CDH4: variants seen among roughly 807,000 people sequenced by gnomAD.
CDH4 encodes cadherin-4.
CDH4 carries 33 observed loss-of-function variants against 86.0 expected under a neutral mutation model. That is an observed-to-expected ratio of 0.38 (90% CI 0.29 to 0.51). The LOEUF (loss-of-function observed/expected upper bound fraction) is 0.51. Among genes scored for constraint, CDH4 ranks in the 20% least tolerant of loss-of-function variants. CDH4 has a pLI of 0.86. For synonymous variants in CDH4, 555 were observed against 549.4 expected, an observed-to-expected ratio of 1.01 and a Z score of -0.14; for missense variants, 1,114 against 1,307.4, an observed-to-expected ratio of 0.85 and a Z score of 2.28.
At chr20:61,499,936 C>A (rs529664616) in intron 2 of CDH4, among the ~76,000 whole-genome samples, 3 of 152,166 alleles carry the variant, frequency 2.0e-5, no homozygotes, top group Non-Finnish European at 4.4e-5. Flanking sequence ...TCAGTGGCAC[C>A]ATTATGCAAA....
intron 2 of CDH4, among the ~76,000 whole-genome samples, chr20:61,289,262 C>CAT: frequency 6.6e-6 from 1 of 152,110 alleles, no homozygotes; most frequent in African/African-American, 2.4e-5. Context: ...GCTGTCAGCA[C>CAT]GCTCCCTCAG....
intron 2 of CDH4, among the ~76,000 whole-genome samples, chr20:61,342,618 G>A (rs1416239281): frequency 6.6e-6 from 1 of 152,216 alleles, no homozygotes; most frequent in Non-Finnish European, 1.5e-5. Context: ...CTGCGATGCA[G>A]CCCTGTTCCC....
intron 2 of CDH4, among the ~76,000 whole-genome samples, chr20:61,396,676 C>T (rs530224377): frequency 4.6e-4 from 70 of 152,282 alleles, no homozygotes; most frequent in African/African-American, 1.6e-3. Flanking sequence ...CTGTCTCCAG[C>T]GTCTCCACGT....
rs545234642 is a variant in CDH4, at chr20:61,537,414, G to T, written c.170-206149G>T. ...AGGCTGACTGACTGAGCACGTGGCC[G>T]GTGATGTGTCCCAGGTCATCAGGGA... is the stretch of plus-strand genomic sequence containing the variant. On this transcript the variant is annotated intron_variant, in intron 2 of 15. Coordinates refer to ENST00000614565, the MANE Select transcript of CDH4 (RefSeq NM_001794.5). Among the ~76,000 whole-genome samples the T allele has an allele frequency of 2.6e-5, 4 of 152,286 alleles. No homozygotes were observed. In the East Asian group the frequency reaches 7.7e-4, roughly 29 times the overall value.
At chr20:61,886,748 A>T (rs114913269) in intron 7 of CDH4, among the ~76,000 whole-genome samples, 2,540 of 152,326 alleles carry the variant, frequency 0.017, 63 homozygotes, top group African/African-American at 0.058. Flanking sequence ...ACCTCAGGGA[A>T]GTCCCAGGCC....
chr20:61,282,971 G>A lies in CDH4; in HGVS notation c.169+28034G>A, dbSNP rs1385907068. 2.0e-4 allele frequency among the ~76,000 whole-genome samples: 12 copies of A among 60,730 alleles called. 4 individuals carry two copies. Among genetic ancestry groups the A allele is most frequent in the African/African-American group, 6.4e-4 (12 of 18,650 alleles). 39.8% of individuals were successfully genotyped at this position (60,730 alleles called of 152,430 possible). A position where few individuals can be genotyped will look rare whatever the true frequency, so the allele number is the denominator to read the frequency against. On this transcript the variant is annotated intron_variant, in intron 2 of 15. Coordinates refer to ENST00000614565, the MANE Select transcript of CDH4 (RefSeq NM_001794.5). Reference sequence around the variant, plus strand: ...GCGTGTGATGTACGTGCGTTTGCACGCGCGTGCTGTGGCGTGTGATGTACG... The same window carrying A: ...GCGTGTGATGTACGTGCGTTTGCACACGCGTGCTGTGGCGTGTGATGTACG...
intron 2 of CDH4, among the ~76,000 whole-genome samples, chr20:61,573,805 G>T (rs957491633): frequency 2.6e-5 from 4 of 152,210 alleles, no homozygotes; most frequent in Admixed American, 2.6e-4. Flanking sequence ...TATATAAACT[G>T]CATATAAACA....
At chr20:61,367,102 C>G (rs757022869) in intron 2 of CDH4, among the ~76,000 whole-genome samples, 4 of 152,182 alleles carry the variant, frequency 2.6e-5, no homozygotes, top group African/African-American at 4.8e-5. Context: ...CACCCAAGCC[C>G]TGACTGAGCA....
rs577145432 is a variant in CDH4 at position 61,264,798 on chromosome 20, T to C, written c.169+9861T>C. 1.6e-4 allele frequency among the ~76,000 whole-genome samples: 23 copies of C among 142,888 alleles called. 2 individuals carry two copies. Among genetic ancestry groups the C allele is most frequent in the African/African-American group, 6.3e-4 (23 of 36,742 alleles). 93.7% of individuals were successfully genotyped at this position (142,888 alleles called of 152,430 possible). A position where few individuals can be genotyped will look rare whatever the true frequency, so the allele number is the denominator to read the frequency against. The stretch of plus-strand genomic sequence containing the variant: ...TCAGTCCTAGACATACCCCAGTGGC[T>C]CCTTCATTCAGTCCTACACATACCC... On this transcript the variant is annotated intron_variant, in intron 2 of 15. Coordinates refer to ENST00000614565, the MANE Select transcript of CDH4 (RefSeq NM_001794.5).
At chr20:61,499,265 TG>T (rs1362040440) in intron 2 of CDH4, among the ~76,000 whole-genome samples, 4 of 152,186 alleles carry the variant, frequency 2.6e-5, no homozygotes, top group Admixed American at 2.0e-4. Flanking sequence ...CAGGAGCATC[TG>T]GGTTGGGGGC....
intron 2 of CDH4, among the ~76,000 whole-genome samples, chr20:61,267,285 T>C (rs1435066694): frequency 2.1e-5 from 3 of 146,334 alleles, no homozygotes; most frequent in African/African-American, 7.3e-5. Flanking sequence ...GACTCTGCTG[T>C]TTCTCTCCAT....
chr20:61,465,067 A>C (rs1044611634), intron 2 of CDH4, among the ~76,000 whole-genome samples: 1 of 152,212 alleles, frequency 6.6e-6, no homozygotes, highest in Admixed American at 6.5e-5. Flanking sequence ...CATTTAAAAG[A>C]TGTGTTTGAA....
At chr20:61,796,921 T>C (rs2146025087) in intron 4 of CDH4, among the ~76,000 whole-genome samples, 1 of 152,272 alleles carries the variant, frequency 6.6e-6, no homozygotes, top group East Asian at 1.9e-4. Flanking sequence ...CACGCTGCCT[T>C]CCTGACAGTG....
chr20:61,652,490 T>C (rs1666593563), intron 2 of CDH4, among the ~76,000 whole-genome samples: 1 of 152,232 alleles, frequency 6.6e-6, no homozygotes, highest in African/African-American at 2.4e-5. Flanking sequence ...TTGGCTGAGT[T>C]ATCTCTAATT....
intron 2 of CDH4, among the ~76,000 whole-genome samples, chr20:61,452,176 T>C (rs944871444): frequency 6.6e-6 from 1 of 152,196 alleles, no homozygotes; most frequent in African/African-American, 2.4e-5. Context: ...CAATAGCCTT[T>C]CACCTTCCCA....
intron 2 of CDH4, among the ~76,000 whole-genome samples, chr20:61,421,284 A>G (rs923674650): frequency 1.3e-5 from 2 of 152,150 alleles, no homozygotes; most frequent in Admixed American, 6.5e-5. Flanking sequence ...CAACACTTCA[A>G]TTTCAGAAAA....
chr20:61,745,605 G>A (rs1350641729), intron 3 of CDH4, among the ~76,000 whole-genome samples: 1 of 152,042 alleles, frequency 6.6e-6, no homozygotes, highest in South Asian at 2.1e-4. Flanking sequence ...GTCTAGGACG[G>A]TGTATGTCAT....
chr20:61,488,031 G>A (rs1600708081), intron 2 of CDH4, among the ~76,000 whole-genome samples: 1 of 152,334 alleles, frequency 6.6e-6, no homozygotes, highest in East Asian at 1.9e-4. Flanking sequence ...ATGATTCTGT[G>A]GGAGGAGAAG....
chr20:61,731,149 C>T (rs1051214650), intron 2 of CDH4, among the ~76,000 whole-genome samples: 21 of 152,056 alleles, frequency 1.4e-4, no homozygotes, highest in Admixed American at 3.9e-4. Context: ...AGCATGAGGG[C>T]GTCCGAGTCC....
Sources: allele counts gnomAD v4.1 joint callset (sites outside exome capture counted in the v4.1 genomes callset), GRCh38; gene constraint gnomAD v4.1.1; transcripts MANE v1.5; gene names NCBI Gene and HGNC (gene_info 2026-07-23, HGNC 2026-07-21).